ZNF335: variants seen among roughly 807,000 people sequenced by gnomAD.
The protein encoded by ZNF335 is NRC-interacting factor 1.
In ZNF335, 84 loss-of-function variants were observed where a neutral mutation model predicts 145.6. The ratio of observed to expected loss-of-function variants is 0.58; its 90% CI spans 0.48 to 0.69. The LOEUF is 0.69. Ranked by LOEUF, ZNF335 falls within the 30% of genes least tolerant of loss-of-function variation. The pLI, the probability that ZNF335 is intolerant of heterozygous loss-of-function variation, is 0.00. For missense variants in ZNF335, 1,865 were observed against 1,809.7 expected (o/e 1.03, Z -0.55); for synonymous variants, 761 against 717.0 (o/e 1.06, Z -0.98).
intron 2 of ZNF335, 139 bp downstream of exon 2, chr20:45,971,071 G>A (rs1484740558): frequency 3.8e-5 from 50 of 1,332,464 alleles, no homozygotes; most frequent in Non-Finnish European, 4.7e-5. Flanking sequence ...TCCATTTTAG[G>A]GGTTTGGCTT....
chr20:45,955,819 CA>C (rs11477111), intron 17 of ZNF335, among the ~76,000 whole-genome samples: 92,307 of 144,236 alleles, frequency 0.64, 28,910 homozygotes, highest in African/African-American at 0.72. Context: ...GACTCCATCT[CA>C]AAAAAAAAAA....
In ZNF335 at chr20:45,959,411, C is replaced by T; in HGVS notation, c.2043G>A (p.Glu681=). The T allele has an allele frequency of 6.7e-7, 1 of 1,495,486 alleles. No individual in the cohort carries two copies. Among genetic ancestry groups the T allele is most frequent in the South Asian group, 1.3e-5 (1 of 77,682 alleles). The allele number at this position is 1,495,486 out of a possible 1,614,324, so 92.6% of individuals were successfully genotyped here. A position where few individuals can be genotyped will look rare whatever the true frequency, so the allele number is the denominator to read the frequency against. The change falls in exon 15 of 28, where the codon GAG becomes GAA. Residue 681 remains glutamate (E), a synonymous_variant. Coordinates refer to ENST00000322927, the MANE Select transcript of ZNF335 (RefSeq NM_022095.4). ...TGTGCCGTGTGCTGAAGTGGCAGTA[C>T]TCACAGGCGAAGGGCTTGGCCCCTG... The part of the protein sequence containing the change: ...KHTGAKPFAC[E]YCHFSTRHKK...
In ZNF335 at chr20:45,962,818, TGTTTG is replaced by T. The variant is rs1568821302; in HGVS notation, c.1534-641_1534-637del. Among the ~76,000 whole-genome samples the T allele has an allele frequency of 7.0e-5, 9 of 128,586 alleles. 2 individuals carry two copies. Among genetic ancestry groups the T allele is most frequent in the Admixed American group, 7.7e-5 (1 of 13,014 alleles). The allele number at this position is 128,586 out of a possible 152,430, so 84.4% of individuals were successfully genotyped here. A position where few individuals can be genotyped will look rare whatever the true frequency, so the allele number is the denominator to read the frequency against. On this transcript the variant is annotated intron_variant, in intron 9 of 27. Transcript: ENST00000322927. ...AAGGAACCGTTTTTTTTTTTTTGTT[TGTTTG>T]TTTTTTTGAGACAGAGTTTCGCTCT...
intron 10 of ZNF335, among the ~76,000 whole-genome samples, 166 bp from the exon 11 acceptor site, chr20:45,961,048 G>GT (rs2083834811): frequency 6.6e-6 from 1 of 152,126 alleles, no homozygotes; most frequent in South Asian, 2.1e-4. Flanking sequence ...AAACGCTAAG[G>GT]GGCACGCTGT....
Position 45,950,355 on chromosome 20 carries a change from G to T in ZNF335, c.3351C>A (p.His1117Gln), listed in dbSNP as rs754414245. The change falls in exon 22 of 28, where the codon CAC (histidine) becomes CAA (glutamine). Residue 1117 changes from histidine (H) to glutamine (Q), a missense_variant. His to Gln is a conservative substitution (Grantham distance 24, BLOSUM62 0). Transcript: ENST00000322927. ...LCGQRFNRNGHLKFHIQRLHS... is the reference protein window; with the variant it reads ...LCGQRFNRNGQLKFHIQRLHS... ...GCAGCCGCTGGATGTGGAACTTGAGGTGCCCGTTACGGTTGAAACTGAGGG... is the reference window on the plus strand; with the variant it reads ...GCAGCCGCTGGATGTGGAACTTGAGTTGCCCGTTACGGTTGAAACTGAGGG... 3.0e-5 allele frequency: 47 copies of T among 1,590,826 alleles called. No homozygotes were observed. The highest frequency in any genetic ancestry group is 3.9e-5 in the Non-Finnish European group (45 of 1,166,022).
At position 45,963,461 on chromosome 20, in the gene ZNF335, T is replaced by C; in HGVS notation, c.1533+12A>G. Reference sequence around the variant, plus strand: ...CCCTCCCATGAGCCCCAAGCCTCTTTGGCTCCCGCACCTTGAGCGAGGACC... The same window carrying C: ...CCCTCCCATGAGCCCCAAGCCTCTTCGGCTCCCGCACCTTGAGCGAGGACC... On this transcript the variant is annotated intron_variant, in intron 9 of 27. Coordinates refer to ENST00000322927, the MANE Select transcript of ZNF335 (RefSeq NM_022095.4). 1 of 1,605,188 alleles carries C rather than the reference T, an allele frequency of 6.2e-7. No homozygotes were observed. Among genetic ancestry groups the C allele is most frequent in the South Asian group, 1.1e-5 (1 of 90,802 alleles).
rs757761691 is a variant in ZNF335 at position 45,971,342 on chromosome 20, A to G, written c.69T>C (p.Ser23=). 6.3e-7 allele frequency: 1 copy of G among 1,599,676 alleles called. No individual in the cohort carries two copies. The highest frequency in any genetic ancestry group is 1.1e-5 in the South Asian group (1 of 90,970). ...APGPGRPEEP[S]ESGLGVGTSE... is the part of the protein sequence containing the mutation. ...AGGTGCCCACACCCAGGCCGCTCTCAGAGGGCTCCTCGGGCCGGCCAGGCC... is the reference window on the plus strand; with the variant it reads ...AGGTGCCCACACCCAGGCCGCTCTCGGAGGGCTCCTCGGGCCGGCCAGGCC... The change falls in exon 2 of 28, where the codon TCT becomes TCC. Residue 23 remains serine, a synonymous_variant. Coordinates refer to ENST00000322927, the MANE Select transcript of ZNF335 (RefSeq NM_022095.4).
In ZNF335 at chr20:45,967,908, T is replaced by C; in HGVS notation, c.640A>G (p.Ser214Gly). 1.2e-6 allele frequency: 2 copies of C among 1,612,506 alleles called. No individual in the cohort carries two copies. The highest frequency in any genetic ancestry group is 1.7e-6 in the Non-Finnish European group (2 of 1,179,616). The change falls in exon 5 of 28, where the codon AGC (serine) becomes GGC (glycine). Residue 214 changes from serine (S) to glycine (G), a missense_variant. By Grantham distance (56) the Ser-to-Gly change is moderately conservative. Coordinates refer to ENST00000322927, the MANE Select transcript of ZNF335 (RefSeq NM_022095.4). Reference sequence around the variant, plus strand: ...GCTGGGGGCAGCTGCACCGGGGAGCTGGGCCCACCCTGTGCCTCCAGGCAT... The same window carrying C: ...GCTGGGGGCAGCTGCACCGGGGAGCCGGGCCCACCCTGTGCCTCCAGGCAT... ...STCLEAQGGPSSPVQLPPASG... is the reference protein window; with the variant it reads ...STCLEAQGGPGSPVQLPPASG...
intron 6 of ZNF335, among the ~76,000 whole-genome samples, chr20:45,966,101 G>A (rs572856261): frequency 2.6e-5 from 4 of 152,202 alleles, no homozygotes; most frequent in African/African-American, 9.6e-5. Flanking sequence ...CAAACTCTAC[G>A]GCTGCCCTAT....
intron 14 of ZNF335, 135 bp downstream of exon 14, chr20:45,960,073 T>TTACACTTGAAGGACTTGGGCTG: frequency 1.9e-6 from 2 of 1,057,466 alleles, no homozygotes; most frequent in South Asian, 3.3e-5. Context: ...GAAATTCTCT[T>TTACACTTGAAGGACTTGGGCTG]TACACTTGAA....
rs751289351 is a variant in ZNF335, at chr20:45,959,446, G to C, written c.2021-13C>G. ...AAGGGCTTGGCCCCTGGAGGCACATGTTGGGGCATGCTTAAGTCTGCCCGT... is the reference window on the plus strand; with the variant it reads ...AAGGGCTTGGCCCCTGGAGGCACATCTTGGGGCATGCTTAAGTCTGCCCGT... On this transcript the variant is annotated splice_polypyrimidine_tract_variant and intron_variant, in intron 14 of 27. Transcript: ENST00000322927. 1.4e-6 allele frequency: 2 copies of C among 1,428,318 alleles called. No homozygotes were observed. Among genetic ancestry groups the C allele is most frequent in the Non-Finnish European group, 1.9e-6 (2 of 1,075,260 alleles). 88.5% of individuals were successfully genotyped at this position (1,428,318 alleles called of 1,614,324 possible). A position where few individuals can be genotyped will look rare whatever the true frequency, so the allele number is the denominator to read the frequency against.
Position 45,959,378 on chromosome 20 carries a change from G to GT in ZNF335, c.2075dup (p.Asn692LysfsTer23). On this transcript the variant is annotated frameshift_variant, in exon 15 of 28. Transcript: ENST00000322927. LOFTEE classifies it high-confidence loss of function. ...GTCGGCACCGTACGTGCAGGCGCAG[G>GT]TTCTTCTTGTGCCGTGTGCTGAAGT... 6.4e-7 allele frequency: 1 copy of GT among 1,571,014 alleles called. No individual in the cohort carries two copies. The highest frequency in any genetic ancestry group is 8.7e-7 in the Non-Finnish European group (1 of 1,153,370).
chr20:45,969,598 C>A lies in ZNF335; in HGVS notation c.295G>T (p.Val99Leu). The A allele has an allele frequency of 6.2e-7, 1 of 1,608,166 alleles. No homozygotes were observed. Among genetic ancestry groups the A allele is most frequent in the Admixed American group, 1.7e-5 (1 of 59,884 alleles). The change falls in exon 3 of 28, where the codon GTG becomes TTG. Residue 99 changes from valine (V) to leucine (L), a missense_variant. Coordinates refer to ENST00000322927, the MANE Select transcript of ZNF335 (RefSeq NM_022095.4). Reference protein sequence around the residue: ...SSVSHGPVAGVTGGPPALVHS... With the variant: ...SSVSHGPVAGLTGGPPALVHS... ...ACAAGTGCTGGGGGACCGCCTGTCA[C>A]CCCTGCCACTGGCCCATGAGACACA...
At chr20:45,968,429 G>T in intron 3 of ZNF335, 67 bp from the exon 4 acceptor site, 1 of 1,492,354 alleles carries the variant, frequency 6.7e-7, no homozygotes, top group South Asian at 1.1e-5. Flanking sequence ...CCACCCCCAT[G>T]GGCCCCACTT....
chr20:45,950,390 G>A lies in ZNF335; in HGVS notation c.3333-17C>T, dbSNP rs745375392. ...CGGTTGAAACTGAGGGGGATGAAAGGTGGCTCAGGTTAGCTCCACCATACA... is the reference window on the plus strand; with the variant it reads ...CGGTTGAAACTGAGGGGGATGAAAGATGGCTCAGGTTAGCTCCACCATACA... On this transcript the variant is annotated splice_polypyrimidine_tract_variant and intron_variant, in intron 21 of 27. Transcript: ENST00000322927. 2.7e-5 allele frequency: 43 copies of A among 1,606,984 alleles called. No homozygotes were observed. The Admixed American group carries it at 7.2e-4, about 27-fold the overall frequency.
At chr20:45,968,418 C>A (rs1249821039) in intron 3 of ZNF335, 56 bp from the exon 4 acceptor site, 1 of 1,546,624 alleles carries the variant, frequency 6.5e-7, no homozygotes, top group Non-Finnish European at 8.9e-7. Context: ...CAGCAACAGG[C>A]CCACCCCCAT....
At position 45,959,385 on chromosome 20, in the gene ZNF335, T is replaced by C; in HGVS notation, c.2069A>G (p.Lys690Arg). Residue 690 changes from lysine to arginine, a missense_variant, in exon 15 of 28, where the codon AAG (lysine) becomes AGG (arginine). Physicochemically the swap from Lys to Arg is conservative, Grantham distance 26. Transcript: ENST00000322927. Reference sequence around the variant, plus strand: ...CCGTACGTGCAGGCGCAGGTTCTTCTTGTGCCGTGTGCTGAAGTGGCAGTA... The same window carrying C: ...CCGTACGTGCAGGCGCAGGTTCTTCCTGTGCCGTGTGCTGAAGTGGCAGTA... ...CEYCHFSTRH[K>R]KNLRLHVRCR... is the part of the protein sequence containing the mutation. 3.9e-6 allele frequency: 6 copies of C among 1,557,564 alleles called. No homozygotes were observed. Among genetic ancestry groups the C allele is most frequent in the Non-Finnish European group, 5.2e-6 (6 of 1,145,496 alleles).
chr20:45,965,215 G>T (rs2083929350), intron 7 of ZNF335, among the ~76,000 whole-genome samples: 2 of 152,028 alleles, frequency 1.3e-5, no homozygotes, highest in Admixed American at 6.6e-5. Flanking sequence ...ACAGACTGCA[G>T]GCGGCAGAGC....
rs533949254 is a variant in ZNF335, at chr20:45,962,278, G to C, written c.1534-96C>G. ...GTGGCCACAGTCTTAGGGTTGCTGCGGGAGCAGCTCACAGAACACAGGCAT... is the reference window on the plus strand; with the variant it reads ...GTGGCCACAGTCTTAGGGTTGCTGCCGGAGCAGCTCACAGAACACAGGCAT... On this transcript the variant is annotated intron_variant, in intron 9 of 27. Coordinates refer to ENST00000322927, the MANE Select transcript of ZNF335 (RefSeq NM_022095.4). The C allele has an allele frequency of 1.4e-3, 1,341 of 959,492 alleles. 3 individuals carry two copies. The highest frequency in any genetic ancestry group is 1.9e-3 in the Non-Finnish European group (1,153 of 603,390). The allele number at this position is 959,492 out of a possible 1,614,324, so 59.4% of individuals were successfully genotyped here.
Sources: allele counts gnomAD v4.1 joint callset (sites outside exome capture counted in the v4.1 genomes callset), GRCh38; gene constraint gnomAD v4.1.1; transcripts MANE v1.5; gene names NCBI Gene and HGNC (gene_info 2026-07-23, HGNC 2026-07-21).